Variants in JAZF1 observed in about 807,000 individuals in gnomAD.
JAZF1 encodes the protein JAZF zinc finger 1.
A neutral mutation model predicts 26.4 loss-of-function variants in JAZF1; 8 were observed. That is an observed-to-expected ratio of 0.30 (90% CI 0.18 to 0.55). The LOEUF (loss-of-function observed/expected upper bound fraction) is 0.55. Ranked by LOEUF, JAZF1 falls within the 20% of genes least tolerant of loss-of-function variation. JAZF1 has a pLI of 0.94. For synonymous variants in JAZF1, 126 were observed against 122.3 expected, an observed-to-expected ratio of 1.03 and a Z score of -0.20; for missense variants, 199 against 322.0, an observed-to-expected ratio of 0.62 and a Z score of 2.92.
intron 4 of JAZF1, among the ~76,000 whole-genome samples, chr7:27,835,658 T>G (rs1583421784): frequency 6.6e-6 from 1 of 152,206 alleles, no homozygotes; most frequent in Non-Finnish European, 1.5e-5. Flanking sequence ...ATCGCAAATG[T>G]TAGTACAAGG....
intron 3 of JAZF1, among the ~76,000 whole-genome samples, chr7:27,852,253 T>G (rs527304679): frequency 1.1e-4 from 16 of 151,942 alleles, no homozygotes; most frequent in Non-Finnish European, 1.9e-4. Context: ...TGCCTCAGCC[T>G]CTTGAGTAGC....
chr7:28,101,791 G>T (rs58188459), intron 1 of JAZF1, among the ~76,000 whole-genome samples: 5,536 of 152,022 alleles, frequency 0.036, 309 homozygotes, highest in African/African-American at 0.12. Flanking sequence ...TGTGCGCTTG[G>T]TGTACTTGAG....
intron 2 of JAZF1, among the ~76,000 whole-genome samples, chr7:27,954,736 G>C (rs933508726): frequency 2.0e-5 from 3 of 151,440 alleles, no homozygotes; most frequent in Non-Finnish European, 4.4e-5. Context: ...CATCACATTT[G>C]ATTTTCCAGA....
At chr7:27,977,588 T>C (rs866990246) in intron 2 of JAZF1, among the ~76,000 whole-genome samples, 1 of 152,224 alleles carries the variant, frequency 6.6e-6, no homozygotes, top group South Asian at 2.1e-4. Flanking sequence ...CAGCCACTCT[T>C]TGATTAAGAC....
intron 3 of JAZF1, among the ~76,000 whole-genome samples, chr7:27,865,965 G>T (rs142331633): frequency 2.0e-5 from 3 of 152,144 alleles, no homozygotes; most frequent in African/African-American, 7.2e-5. Flanking sequence ...CAAGTCACTT[G>T]GGGCTGTTCT....
chr7:27,924,160 ACT>A (rs1033457464), intron 2 of JAZF1, among the ~76,000 whole-genome samples: 8 of 151,812 alleles, frequency 5.3e-5, no homozygotes, highest in Non-Finnish European at 8.8e-5. Flanking sequence ...CTCACTACAA[ACT>A]CTGTCTCCCT....
chr7:27,895,469 C>T, intron 2 of JAZF1, 53 bp from the exon 3 acceptor site: 1 of 1,320,664 alleles, frequency 7.6e-7, no homozygotes, highest in Non-Finnish European at 1.0e-6. Context: ...AGCATGAGGA[C>T]TGATGACATT....
intron 1 of JAZF1, among the ~76,000 whole-genome samples, chr7:28,012,267 T>C (rs1481634320): frequency 2.0e-5 from 3 of 152,208 alleles, no homozygotes; most frequent in Non-Finnish European, 2.9e-5. Context: ...CACTAAATTT[T>C]GATCTGTCAT....
intron 3 of JAZF1, among the ~76,000 whole-genome samples, chr7:27,865,149 C>A (rs1309043234): frequency 1.3e-5 from 2 of 152,084 alleles, no homozygotes; most frequent in African/African-American, 2.4e-5. Flanking sequence ...GCAAGCAGAT[C>A]GCTTGAGCCC....
Position 27,967,561 on chromosome 7 carries a change from A to G in JAZF1, c.188+24348T>C, listed in dbSNP as rs146574781. Among the ~76,000 whole-genome samples, 18 of 152,304 alleles carry G rather than the reference A, an allele frequency of 1.2e-4. No individual in the cohort carries two copies. In the East Asian group the frequency reaches 3.3e-3, roughly 28 times the overall value. On this transcript the variant is annotated intron_variant, in intron 2 of 4. Transcript: ENST00000283928. The stretch of plus-strand genomic sequence containing the variant: ...ATATATTACTAAATAACAATCTACA[A>G]AAACATAGGTTAAATGAAAAAGCAA...
intron 1 of JAZF1, among the ~76,000 whole-genome samples, chr7:28,091,771 T>C (rs1175532382): frequency 6.6e-6 from 1 of 152,138 alleles, no homozygotes. Flanking sequence ...TTCATATTGC[T>C]GTTAGAATAG....
chr7:27,929,959 T>TCTCTCTCTCTCC (rs930029359), intron 2 of JAZF1, among the ~76,000 whole-genome samples: 1 of 146,230 alleles, frequency 6.8e-6, no homozygotes, highest in Non-Finnish European at 1.5e-5. Context: ...TCTCTCTCTC[T>TCTCTCTCTCTCC]CCCCCTCTCT....
chr7:27,889,224 A>C (rs537050069), intron 3 of JAZF1, among the ~76,000 whole-genome samples: 4 of 152,186 alleles, frequency 2.6e-5, no homozygotes, highest in Non-Finnish European at 5.9e-5. Context: ...GAGGTAGATT[A>C]AAATTTTTTC....
At chr7:27,999,520 C>T (rs1376982231) in intron 1 of JAZF1, among the ~76,000 whole-genome samples, 1 of 152,176 alleles carries the variant, frequency 6.6e-6, no homozygotes, top group South Asian at 2.1e-4. Context: ...GGAAAGGAAA[C>T]CTTTCCCTCC....
intron 2 of JAZF1, among the ~76,000 whole-genome samples, chr7:27,983,479 G>A (rs1183933105): frequency 6.6e-5 from 10 of 152,204 alleles, no homozygotes; most frequent in Non-Finnish European, 7.3e-5. Flanking sequence ...TCTGATTGGT[G>A]TACCTGAAAA....
intron 1 of JAZF1, among the ~76,000 whole-genome samples, chr7:28,161,770 T>C (rs1434549077): frequency 6.6e-6 from 1 of 152,096 alleles, no homozygotes. Context: ...TTAGAAGCAG[T>C]ATATGATTAT....
At chr7:27,949,735 C>T (rs1784977659) in intron 2 of JAZF1, among the ~76,000 whole-genome samples, 1 of 152,162 alleles carries the variant, frequency 6.6e-6, no homozygotes, top group Non-Finnish European at 1.5e-5. Context: ...TGCACTCTAC[C>T]CCAGGCAACG....
chr7:27,833,919 C>T (rs535071826), intron 4 of JAZF1, among the ~76,000 whole-genome samples: 2 of 152,226 alleles, frequency 1.3e-5, no homozygotes, highest in East Asian at 1.9e-4. Flanking sequence ...GAAGGGACGG[C>T]GGACGTGTGG....
chr7:27,856,338 C>T (rs904528693), intron 3 of JAZF1, among the ~76,000 whole-genome samples: 37 of 152,222 alleles, frequency 2.4e-4, no homozygotes, highest in African/African-American at 8.7e-4. Flanking sequence ...AAGCTGCAGG[C>T]TTTCACAGTG....
Sources: allele counts gnomAD v4.1 joint callset (sites outside exome capture counted in the v4.1 genomes callset), GRCh38; gene constraint gnomAD v4.1.1; transcripts MANE v1.5; gene names NCBI Gene and HGNC (gene_info 2026-07-23, HGNC 2026-07-21).